PTHLH: variants seen among roughly 807,000 people sequenced by gnomAD.
PTHLH encodes parathyroid hormone like hormone, also known as parathyroid hormone-related protein.
A neutral mutation model predicts 18.6 loss-of-function variants in PTHLH; 5 were observed. The ratio of observed to expected loss-of-function variants is 0.27; its 90% CI spans 0.14 to 0.56. The LOEUF (loss-of-function observed/expected upper bound fraction) is 0.56, where lower values mean the gene tolerates loss of function less well. PTHLH is among the 20% of genes least tolerant of loss of function. PTHLH has a pLI of 0.92. For synonymous variants in PTHLH, 90 were observed against 94.0 expected, an observed-to-expected ratio of 0.96 and a Z score of 0.25; for missense variants, 207 against 223.9, an observed-to-expected ratio of 0.92 and a Z score of 0.48.
At chr12:27,969,196 C>T in intron 4 of PTHLH, 198 bp downstream of exon 4, 2 of 598,048 alleles carry the variant, frequency 3.3e-6, no homozygotes, top group Non-Finnish European at 6.0e-6. Flanking sequence ...TTGCCTGTCT[C>T]CCGTTGAAGA....
intron 4 of PTHLH, among the ~76,000 whole-genome samples, chr12:27,965,013 C>T (rs1038077306): frequency 1.2e-4 from 18 of 152,218 alleles, no homozygotes; most frequent in African/African-American, 4.3e-4. Context: ...TGTACTCTTA[C>T]TTCCCTGAAA....
intron 2 of PTHLH, among the ~76,000 whole-genome samples, chr12:27,970,925 A>C (rs77391131): frequency 6.6e-6 from 1 of 152,202 alleles, no homozygotes; most frequent in Non-Finnish European, 1.5e-5. Flanking sequence ...TCTTTTGCTT[A>C]GAAGAACAAA....
intron 3 of PTHLH, 45 bp from the exon 4 acceptor site, chr12:27,969,561 C>G: frequency 7.0e-7 from 1 of 1,427,842 alleles, no homozygotes; most frequent in Non-Finnish European, 9.6e-7. Flanking sequence ...CTGGACTCTC[C>G]ATCTCCCCGC....
At chr12:27,961,788 G>T (rs2062763725) in intron 5 of PTHLH, 2 of 545,468 alleles carry the variant, frequency 3.7e-6, no homozygotes, top group African/African-American at 1.9e-5. Context: ...GCTATTTAAT[G>T]ATGGGTTTGC....
At position 27,971,759 on chromosome 12, in the gene PTHLH, C is replaced by T. The variant is rs187745116; in HGVS notation, c.-266+168G>A. On this transcript the variant is annotated intron_variant, in intron 2 of 5. Coordinates refer to ENST00000545234, the MANE Select transcript of PTHLH (RefSeq NM_198965.2). ...TACCTTAAAAGACTCGGCTTCTTCT[C>T]ACTAACAAAGAAAAAAAGCAAAACA... 3.0e-4 allele frequency among the ~76,000 whole-genome samples: 45 copies of T among 152,140 alleles called. 1 individual carries two copies. The highest frequency in any genetic ancestry group is 2.9e-5 in the Non-Finnish European group (2 of 68,014).
intron 2 of PTHLH, 127 bp from the exon 3 acceptor site, chr12:27,970,394 G>A (rs1397740006): frequency 6.8e-6 from 1 of 148,136 alleles, no homozygotes; most frequent in African/African-American, 2.4e-5. Context: ...GGCCCGAACG[G>A]GCCCCGCGCC....
At chr12:27,962,243 G>T (rs779366505) in intron 5 of PTHLH, 20 of 299,588 alleles carry the variant, frequency 6.7e-5, no homozygotes, top group Non-Finnish European at 1.2e-5. Context: ...TAGATAGATA[G>T]ATAGATAGAT....
At position 27,958,470 on chromosome 12, in the gene PTHLH, T is replaced by G; in HGVS notation, c.*89A>C. 1 of 1,295,936 alleles carries G rather than the reference T, an allele frequency of 7.7e-7. No homozygotes were observed. Among genetic ancestry groups the G allele is most frequent in the African/African-American group, 1.5e-5 (1 of 66,470 alleles). 80.3% of individuals were successfully genotyped at this position (1,295,936 alleles called of 1,614,324 possible). On this transcript the variant is annotated 3_prime_UTR_variant, in exon 6 of 6. Coordinates refer to ENST00000545234, the MANE Select transcript of PTHLH (RefSeq NM_198965.2). ...TTTTATTCCAATGCATTTACAGTATTTACAGACAATAAATATTTCTAATAC... is the reference window on the plus strand; with the variant it reads ...TTTTATTCCAATGCATTTACAGTATGTACAGACAATAAATATTTCTAATAC...
At chr12:27,969,597 C>G in intron 3 of PTHLH, 81 bp from the exon 4 acceptor site, 1 of 1,251,710 alleles carries the variant, frequency 8.0e-7, no homozygotes, top group Non-Finnish European at 1.1e-6. Flanking sequence ...CTTTTTAGCC[C>G]GCTCTCAAAA....
chr12:27,958,091 G>T lies in PTHLH; in HGVS notation c.*468C>A, dbSNP rs1258568062. The T allele has an allele frequency of 6.6e-6, 1 of 152,224 alleles. No homozygotes were observed. Among genetic ancestry groups the T allele is most frequent in the Non-Finnish European group, 1.5e-5 (1 of 68,120 alleles). The allele number at this position is 152,224 out of a possible 1,614,324, so 9.4% of individuals were successfully genotyped here. ...TAGAATTCACTCTCTGAATCATGATGTAATTAGATTATATTTTATTAGACA... is the reference window on the plus strand; with the variant it reads ...TAGAATTCACTCTCTGAATCATGATTTAATTAGATTATATTTTATTAGACA... On this transcript the variant is annotated 3_prime_UTR_variant, in exon 6 of 6. Transcript: ENST00000545234.
chr12:27,970,108 G>A lies in PTHLH; in HGVS notation c.-106C>T, dbSNP rs574242982. ...TTCAAGTGCGTGTGTCGTCGATCAG[G>A]AGGGCCAGGTGGCGGCGAGGGCGGG... On this transcript the variant is annotated 5_prime_UTR_variant, in exon 3 of 6. Transcript: ENST00000545234. 1.9e-6 allele frequency: 1 copy of A among 519,054 alleles called. No homozygotes were observed. The highest frequency in any genetic ancestry group is 1.4e-5 in the South Asian group (1 of 71,606). The allele number at this position is 519,054 out of a possible 1,614,324, so 32.2% of individuals were successfully genotyped here. A position where few individuals can be genotyped will look rare whatever the true frequency, so the allele number is the denominator to read the frequency against.
intron 5 of PTHLH, chr12:27,962,926 T>C: frequency 3.7e-6 from 4 of 1,084,708 alleles, no homozygotes; most frequent in South Asian, 3.0e-5. Context: ...AATGCTTCTA[T>C]ATTCTCCCTT....
chr12:27,969,830 T>G, intron 3 of PTHLH, 195 bp downstream of exon 3: 1 of 545,492 alleles, frequency 1.8e-6, no homozygotes, highest in Non-Finnish European at 3.6e-6. Flanking sequence ...TGATAAGTAG[T>G]GTGTTTACAC....
chr12:27,969,938 G>A (rs767793565), intron 3 of PTHLH, 87 bp downstream of exon 3: 2 of 519,454 alleles, frequency 3.9e-6, no homozygotes, highest in African/African-American at 3.8e-5. Flanking sequence ...TTCCCCCTCT[G>A]AAGTCAGCTT....
rs775388190 is a variant in PTHLH, at chr12:27,969,747, G to GA, written c.-22-232dup. On this transcript the variant is annotated intron_variant, in intron 3 of 5. Coordinates refer to ENST00000545234, the MANE Select transcript of PTHLH (RefSeq NM_198965.2). Reference sequence around the variant, plus strand: ...CACACAGCCAGAAAGAGCAAAAAGGGAAAAAAGAAACAAATCAGAGGCGCT... The same window carrying GA: ...CACACAGCCAGAAAGAGCAAAAAGGGAAAAAAAGAAACAAATCAGAGGCGCT... The GA allele has an allele frequency of 4.0e-5, 29 of 718,062 alleles. No homozygotes were observed. The Admixed American group carries it at 4.7e-4, about 12-fold the overall frequency. 44.5% of individuals were successfully genotyped at this position (718,062 alleles called of 1,614,324 possible).
chr12:27,964,700 T>G (rs757389143), intron 4 of PTHLH, among the ~76,000 whole-genome samples: 2 of 152,140 alleles, frequency 1.3e-5, no homozygotes, highest in Non-Finnish European at 2.9e-5. Context: ...TAAAATTCTC[T>G]AGGAAAAAAT....
At chr12:27,968,399 G>A (rs1330831006) in intron 4 of PTHLH, among the ~76,000 whole-genome samples, 1 of 152,162 alleles carries the variant, frequency 6.6e-6, no homozygotes. Context: ...TTTATTGTTA[G>A]TGTAAAAATT....
Position 27,970,150 on chromosome 12 carries a change from G to A in PTHLH, c.-148C>T. The A allele has an allele frequency of 3.9e-6, 2 of 517,854 alleles. No individual in the cohort carries two copies. The highest frequency in any genetic ancestry group is 2.8e-5 in the South Asian group (2 of 71,578). The allele number at this position is 517,854 out of a possible 1,614,324, so 32.1% of individuals were successfully genotyped here. A position where few individuals can be genotyped will look rare whatever the true frequency, so the allele number is the denominator to read the frequency against. On this transcript the variant is annotated 5_prime_UTR_variant, in exon 3 of 6. Transcript: ENST00000545234. ...GAGGGCGGGTCGTTAGTGGCAGCCG[G>A]AGCGGCAGGGAGGCGGCAGCCCCGC...
chr12:27,964,264 CT>C (rs1314571367), intron 4 of PTHLH, among the ~76,000 whole-genome samples: 404 of 32,960 alleles, frequency 0.012, 1 homozygote, highest in African/African-American at 0.045. Flanking sequence ...CTCTCTCTCT[CT>C]CTCCTCTCTC....
Sources: gnomAD v4.1 joint callset for allele counts (sites outside exome capture counted in the v4.1 genomes callset) on GRCh38, gnomAD v4.1.1 for gene constraint, MANE v1.5 for transcripts, NCBI Gene and HGNC (gene_info 2026-07-23, HGNC 2026-07-21) for gene names.